The following VAV3 variants were observed in gnomAD, a reference collection of about 807,000 sequenced individuals.
The protein encoded by VAV3 is vav guanine nucleotide exchange factor 3.
Under a neutral mutation model 131.2 loss-of-function variants are expected in VAV3, and 94 were observed. That is an observed-to-expected ratio of 0.72 (90% CI 0.61 to 0.85). VAV3 has a LOEUF of 0.85. Among genes scored for constraint, VAV3 ranks in the 40% least tolerant of loss-of-function variants. VAV3 has a pLI of 0.00. For synonymous variants in VAV3, 349 were observed against 342.0 expected (o/e 1.02, Z -0.22); for missense variants, 939 against 1,002.7 (o/e 0.94, Z 0.86).
At chr1:107,930,785 G>A (rs1261479046) in intron 1 of VAV3, among the ~76,000 whole-genome samples, 1 of 152,122 alleles carries the variant, frequency 6.6e-6, no homozygotes, top group Non-Finnish European at 1.5e-5. Context: ...GCAAATCTAC[G>A]TGTGGGGCAA....
intron 23 of VAV3, among the ~76,000 whole-genome samples, 192 bp downstream of exon 23, chr1:107,602,854 AT>A (rs1243552236): frequency 6.6e-6 from 1 of 152,210 alleles, no homozygotes; most frequent in Non-Finnish European, 1.5e-5. Flanking sequence ...TAATATGCCA[AT>A]TAGCAACCTA....
chr1:107,805,584 C>CT (rs1667022529), intron 2 of VAV3, among the ~76,000 whole-genome samples: 1 of 152,142 alleles, frequency 6.6e-6, no homozygotes, highest in Admixed American at 6.6e-5. Flanking sequence ...TTGGAGATGA[C>CT]TGAGTTTCCT....
chr1:107,609,368 G>A (rs1318521468), intron 22 of VAV3: 1 of 151,872 alleles, frequency 6.6e-6, no homozygotes. Context: ...GCTCTCATAT[G>A]TTGTAAATTT....
chr1:107,788,666 T>G (rs1044472229), intron 2 of VAV3, among the ~76,000 whole-genome samples: 1 of 152,220 alleles, frequency 6.6e-6, no homozygotes, highest in Non-Finnish European at 1.5e-5. Context: ...TCCATGCAGT[T>G]AGCTGCCTGA....
intron 19 of VAV3, chr1:107,669,156 T>G (rs2101662172): frequency 9.3e-7 from 1 of 1,077,332 alleles, no homozygotes; most frequent in African/African-American, 1.7e-5. Flanking sequence ...TCATTCTATT[T>G]CACCTTACAA....
chr1:107,804,435 G>A (rs757565740), intron 2 of VAV3, among the ~76,000 whole-genome samples: 6 of 151,986 alleles, frequency 3.9e-5, no homozygotes, highest in African/African-American at 4.8e-5. Flanking sequence ...TTACCATGAG[G>A]CTTACAAAAA....
At chr1:107,769,391 C>T (rs185838148) in intron 6 of VAV3, among the ~76,000 whole-genome samples, 17 of 152,196 alleles carry the variant, frequency 1.1e-4, no homozygotes, top group South Asian at 2.1e-4. Context: ...GGGCCTGTAA[C>T]GCTACATAGT....
At chr1:107,909,622 A>C (rs1672271707) in intron 1 of VAV3, among the ~76,000 whole-genome samples, 1 of 152,130 alleles carries the variant, frequency 6.6e-6, no homozygotes, top group Admixed American at 6.5e-5. Flanking sequence ...TTTCCGAAAA[A>C]CTTATGGTGT....
chr1:107,777,150 T>C, intron 4 of VAV3, 81 bp downstream of exon 4: 1 of 1,253,914 alleles, frequency 8.0e-7, no homozygotes, highest in Non-Finnish European at 1.2e-6. Flanking sequence ...TCAGATAGCT[T>C]ACTTTAACAT....
At chr1:107,892,207 C>T (rs1169821803) in intron 1 of VAV3, among the ~76,000 whole-genome samples, 1 of 152,032 alleles carries the variant, frequency 6.6e-6, no homozygotes, top group Admixed American at 6.6e-5. Flanking sequence ...CTTGGTTTGT[C>T]CTTTTATAAT....
At chr1:107,825,999 G>C (rs1353710049) in intron 2 of VAV3, among the ~76,000 whole-genome samples, 2 of 151,998 alleles carry the variant, frequency 1.3e-5, no homozygotes, top group African/African-American at 4.8e-5. Flanking sequence ...ATCCCCTTCA[G>C]CAACAGTAAT....
At chr1:107,831,958 A>G (rs1043456234) in intron 2 of VAV3, among the ~76,000 whole-genome samples, 3 of 152,230 alleles carry the variant, frequency 2.0e-5, no homozygotes, top group Non-Finnish European at 4.4e-5. Context: ...AACCTAAACC[A>G]CAGCCTTGCC....
intron 15 of VAV3, among the ~76,000 whole-genome samples, chr1:107,744,782 C>T (rs1448741181): frequency 6.6e-6 from 1 of 152,162 alleles, no homozygotes; most frequent in Non-Finnish European, 1.5e-5. Flanking sequence ...CACAAAAAAC[C>T]TGGACTCCAG....
intron 20 of VAV3, among the ~76,000 whole-genome samples, chr1:107,637,273 G>A (rs542710215): frequency 1.8e-4 from 28 of 152,088 alleles, no homozygotes; most frequent in African/African-American, 4.8e-4. Context: ...AAACTCACTC[G>A]AGGAGAAGAA....
Position 107,713,739 on chromosome 1 carries a change from T to G in VAV3, c.1503-8678A>C, listed in dbSNP as rs6703363. 1.2e-3 allele frequency among the ~76,000 whole-genome samples: 180 copies of G among 152,256 alleles called. 1 individual carries two copies. Among genetic ancestry groups the G allele is most frequent in the African/African-American group, 3.9e-3 (162 of 41,580 alleles). ...CGACATCCTTATAAATACAACTGTG[T>G]GCCTTCCCTTTCTGTCCTTTCTTGA... On this transcript the variant is annotated intron_variant, in intron 15 of 26. Transcript: ENST00000370056.
intron 19 of VAV3, among the ~76,000 whole-genome samples, chr1:107,645,436 A>G (rs1655667926): frequency 6.6e-6 from 1 of 152,088 alleles, no homozygotes; most frequent in African/African-American, 2.4e-5. Context: ...AAAGGATAAA[A>G]GGAATGAAAC....
chr1:107,662,348 T>A (rs1054564099), intron 19 of VAV3, among the ~76,000 whole-genome samples: 4 of 152,120 alleles, frequency 2.6e-5, no homozygotes, highest in African/African-American at 7.2e-5. Context: ...CACAAAAGAA[T>A]ACTGTCTCAA....
At chr1:107,699,976 T>G (rs542669234) in intron 17 of VAV3, among the ~76,000 whole-genome samples, 1 of 152,162 alleles carries the variant, frequency 6.6e-6, no homozygotes, top group African/African-American at 2.4e-5. Flanking sequence ...CACCAAAGGT[T>G]ATGAGGCTGA....
At chr1:107,945,639 T>A (rs1402974344) in intron 1 of VAV3, among the ~76,000 whole-genome samples, 1 of 151,966 alleles carries the variant, frequency 6.6e-6, no homozygotes, top group East Asian at 1.9e-4. Flanking sequence ...CTGGCCAACA[T>A]GGTGAAACCC....
Sources: allele counts gnomAD v4.1 joint callset (sites outside exome capture counted in the v4.1 genomes callset), GRCh38; gene constraint gnomAD v4.1.1; transcripts MANE v1.5; gene names NCBI Gene and HGNC (gene_info 2026-07-23, HGNC 2026-07-21).